RNF121: variants seen among roughly 807,000 people sequenced by gnomAD.
RNF121 encodes E3 ubiquitin ligase RNF121.
RNF121 carries 21 observed loss-of-function variants against 46.5 expected under a neutral mutation model. The ratio of observed to expected loss-of-function variants is 0.45; its 90% confidence interval spans 0.32 to 0.65. The LOEUF (loss-of-function observed/expected upper bound fraction) is 0.65. Ranked by LOEUF, RNF121 falls within the 30% of genes least tolerant of loss-of-function variation. The probability of loss-of-function intolerance (pLI) is 0.04; values close to 1 mark genes in which losing one functional copy is unlikely to be tolerated. For missense variants in RNF121, 346 were observed against 416.0 expected (o/e 0.83, Z 1.46); for synonymous variants, 139 against 144.7 (o/e 0.96, Z 0.28).
intron 1 of RNF121, among the ~76,000 whole-genome samples, chr11:71,951,481 G>A (rs1486111462): frequency 2.6e-5 from 4 of 152,010 alleles, no homozygotes; most frequent in Non-Finnish European, 5.9e-5. Flanking sequence ...GGGAGGCTGA[G>A]GTAGTCTCAG....
intron 3 of RNF121, among the ~76,000 whole-genome samples, chr11:71,975,385 A>G (rs1051469943): frequency 6.6e-6 from 1 of 152,148 alleles, no homozygotes; most frequent in African/African-American, 2.4e-5. Flanking sequence ...TCTTTTCTCA[A>G]GTATACCATG....
chr11:71,942,510 C>T (rs1298208619), intron 1 of RNF121, among the ~76,000 whole-genome samples: 1 of 151,932 alleles, frequency 6.6e-6, no homozygotes, highest in East Asian at 1.9e-4. Context: ...CGCCTGTAAT[C>T]CCAGGACTTT....
rs915666073 is a variant in RNF121 at position 71,974,035 on chromosome 11, G to A, written c.244-8726G>A. 6.6e-5 allele frequency among the ~76,000 whole-genome samples: 10 copies of A among 152,020 alleles called. No individual in the cohort carries two copies. The South Asian group carries it at 1.7e-3, about 25-fold the overall frequency. ...CGGCTCACTGCAAGCTCCGCCTCCC[G>A]GGTTCACGCCATTCTCCTGCCTCAG... On this transcript the variant is annotated intron_variant, in intron 3 of 8. Transcript: ENST00000361756.
At chr11:71,929,724 A>T (rs539612473) in intron 1 of RNF121, among the ~76,000 whole-genome samples, 1 of 152,186 alleles carries the variant, frequency 6.6e-6, no homozygotes, top group Non-Finnish European at 1.5e-5. Context: ...GCATTTATTC[A>T]CTTAATAAAC....
At chr11:71,978,609 A>C (rs1228083820) in intron 3 of RNF121, among the ~76,000 whole-genome samples, 1 of 152,228 alleles carries the variant, frequency 6.6e-6, no homozygotes, top group Middle Eastern at 3.2e-3. Flanking sequence ...CTGAGCGCTT[A>C]TTATGAATTA....
At chr11:71,977,506 A>C (rs1189222407) in intron 3 of RNF121, among the ~76,000 whole-genome samples, 2 of 152,226 alleles carry the variant, frequency 1.3e-5, no homozygotes, top group Admixed American at 6.5e-5. Flanking sequence ...GTTAGCATCT[A>C]ACATCGTCAT....
At chr11:71,990,760 C>T (rs1565163309) in intron 6 of RNF121, 43 bp downstream of exon 6, 2 of 1,606,478 alleles carry the variant, frequency 1.2e-6, no homozygotes, top group Non-Finnish European at 1.7e-6. Flanking sequence ...TTGACACCTC[C>T]AAATTGCTCA....
At chr11:71,967,907 G>C (rs1201324763) in intron 3 of RNF121, among the ~76,000 whole-genome samples, 1 of 152,018 alleles carries the variant, frequency 6.6e-6, no homozygotes, top group Non-Finnish European at 1.5e-5. Flanking sequence ...CCTTTGCTCA[G>C]GTTTCTTTTG....
intron 1 of RNF121, among the ~76,000 whole-genome samples, chr11:71,945,438 A>C (rs779672627): frequency 6.6e-6 from 1 of 152,036 alleles, no homozygotes; most frequent in Non-Finnish European, 1.5e-5. Context: ...TATCATCCCC[A>C]CTGTTTGTTC....
At chr11:71,963,650 T>A (rs906093869) in intron 3 of RNF121, among the ~76,000 whole-genome samples, 82 of 152,302 alleles carry the variant, frequency 5.4e-4, no homozygotes, top group African/African-American at 1.9e-3. Flanking sequence ...TCTTAGCTCT[T>A]ACATTTGGAG....
chr11:71,992,067 A>C (rs1312336715), intron 6 of RNF121, among the ~76,000 whole-genome samples: 1 of 152,214 alleles, frequency 6.6e-6, no homozygotes, highest in Non-Finnish European at 1.5e-5. Flanking sequence ...TCATGCCACC[A>C]AACTCCAGCC....
chr11:71,948,470 G>A, intron 1 of RNF121, among the ~76,000 whole-genome samples: 1 of 133,574 alleles, frequency 7.5e-6, no homozygotes, highest in Non-Finnish European at 1.5e-5. Context: ...ACCTGAGATT[G>A]CGCCACTGCA....
intron 1 of RNF121, among the ~76,000 whole-genome samples, chr11:71,954,807 A>C (rs1164437224): frequency 6.6e-6 from 1 of 151,818 alleles, no homozygotes; most frequent in Admixed American, 6.6e-5. Flanking sequence ...TCAAATGAAT[A>C]CTCCTTTCCC....
At chr11:71,930,611 C>T (rs1235711178) in intron 1 of RNF121, among the ~76,000 whole-genome samples, 1 of 152,038 alleles carries the variant, frequency 6.6e-6, no homozygotes, top group African/African-American at 2.4e-5. Context: ...CCTCCAAGAC[C>T]CCTTCTAGCT....
Position 71,996,604 on chromosome 11 carries a change from GCCTAAGCA to G in RNF121, c.*290_*297del. The stretch of plus-strand genomic sequence containing the variant: ...CCCCCCTCCAGGCTTCACCCTCCCT[GCCTAAGCA>G]GGGTGGGGGCAGAGCCATGACATTT... On this transcript the variant is annotated 3_prime_UTR_variant, in exon 9 of 9. Transcript: ENST00000361756. The G allele has an allele frequency of 3.6e-6, 1 of 280,978 alleles. No individual in the cohort carries two copies. Among genetic ancestry groups the G allele is most frequent in the African/African-American group, 2.2e-5 (1 of 45,706 alleles). 17.4% of individuals were successfully genotyped at this position (280,978 alleles called of 1,614,324 possible).
intron 1 of RNF121, among the ~76,000 whole-genome samples, chr11:71,956,932 G>C (rs528404732): frequency 6.6e-6 from 1 of 152,120 alleles, no homozygotes; most frequent in Non-Finnish European, 1.5e-5. Flanking sequence ...TTCTGTTTAC[G>C]TCTGTCTTTC....
Position 71,996,452 on chromosome 11 carries a change from C to G in RNF121, c.*137C>G. 1.0e-6 allele frequency: 1 copy of G among 1,004,610 alleles called. No individual in the cohort carries two copies. Among genetic ancestry groups the G allele is most frequent in the East Asian group, 2.7e-5 (1 of 37,138 alleles). 62.2% of individuals were successfully genotyped at this position (1,004,610 alleles called of 1,614,324 possible). On this transcript the variant is annotated 3_prime_UTR_variant, in exon 9 of 9. Coordinates refer to ENST00000361756, the MANE Select transcript of RNF121 (RefSeq NM_018320.5). Reference sequence around the variant, plus strand: ...CCACTCAGGACCCCTCTGGCTGTGTCGGACTGGGGAGGGATATGATGGAGA... The same window carrying G: ...CCACTCAGGACCCCTCTGGCTGTGTGGGACTGGGGAGGGATATGATGGAGA...
At chr11:71,942,582 G>T (rs888322333) in intron 1 of RNF121, among the ~76,000 whole-genome samples, 2 of 151,822 alleles carry the variant, frequency 1.3e-5, no homozygotes, top group Non-Finnish European at 2.9e-5. Flanking sequence ...GGCCAACATG[G>T]TGAAACCCCG....
chr11:71,966,309 G>A (rs958433569), intron 3 of RNF121, among the ~76,000 whole-genome samples: 7 of 152,140 alleles, frequency 4.6e-5, no homozygotes, highest in South Asian at 2.1e-4. Flanking sequence ...GTGAGCCGCC[G>A]TGCCTGGCCT....
Sources: allele counts gnomAD v4.1 joint callset (sites outside exome capture counted in the v4.1 genomes callset), GRCh38; gene constraint gnomAD v4.1.1; transcripts MANE v1.5; gene names NCBI Gene and HGNC (gene_info 2026-07-23, HGNC 2026-07-21).